Variants in CSMD1 observed in about 807,000 individuals in gnomAD.
The protein encoded by CSMD1 is CUB and Sushi multiple domains 1.
A neutral mutation model predicts 417.5 loss-of-function variants in CSMD1; 213 were observed. That is an observed-to-expected ratio of 0.51 (90% CI 0.46 to 0.57). The LOEUF is 0.57. Ranked by LOEUF, CSMD1 falls within the 20% of genes least tolerant of loss-of-function variation. The pLI is 0.00. For missense variants in CSMD1, 6,923 were observed against 4,529.7 expected (o/e 1.53, Z -15.17); for synonymous variants, 2,862 against 1,736.8 (o/e 1.65, Z -16.11).
At chr8:3,206,467 G>T (rs1797278787) in intron 30 of CSMD1, among the ~76,000 whole-genome samples, 2 of 49,264 alleles carry the variant, frequency 4.1e-5, no homozygotes, top group Non-Finnish European at 7.5e-5. Flanking sequence ...GTGTGGGGGG[G>T]TTATGTCTGT....
At chr8:4,869,734 G>A (rs1397165400) in intron 1 of CSMD1, among the ~76,000 whole-genome samples, 3 of 151,900 alleles carry the variant, frequency 2.0e-5, no homozygotes, top group South Asian at 2.1e-4. Context: ...GTAATAAAAC[G>A]TTCCATGGAA....
Position 3,468,779 on chromosome 8 carries a change from G to T in CSMD1, c.1494C>A (p.Asn498Lys), listed in dbSNP as rs554447593. 3.1e-6 allele frequency: 5 copies of T among 1,605,880 alleles called. No homozygotes were observed. The East Asian group carries it at 8.9e-5, about 29-fold the overall frequency. ...SVPDLIVSMS[N>K]QMWLHLQSDD... Reference sequence around the variant, plus strand: ...CCGACTGCAGATGTAGCCACATCTGGTTGCTCATGCTCACAATGAGGTCAG... The same window carrying T: ...CCGACTGCAGATGTAGCCACATCTGTTTGCTCATGCTCACAATGAGGTCAG... Residue 498 changes from asparagine to lysine, a missense_variant, in exon 12 of 70, where the codon AAC becomes AAA. Physicochemically the swap from Asn to Lys is moderately conservative, Grantham distance 94. Transcript: ENST00000635120.
intron 18 of CSMD1, among the ~76,000 whole-genome samples, chr8:3,371,676 G>T (rs1348873662): frequency 6.6e-6 from 1 of 152,118 alleles, no homozygotes; most frequent in Non-Finnish European, 1.5e-5. Flanking sequence ...ATCTATGAAA[G>T]ATGTGACTAG....
chr8:3,332,172 G>T (rs558793557), intron 23 of CSMD1, among the ~76,000 whole-genome samples: 1 of 152,220 alleles, frequency 6.6e-6, no homozygotes, highest in East Asian at 1.9e-4. Context: ...TCTATTAGAT[G>T]CACGGATATT....
intron 1 of CSMD1, among the ~76,000 whole-genome samples, chr8:4,871,003 T>G (rs560686335): frequency 6.6e-6 from 1 of 152,202 alleles, no homozygotes; most frequent in African/African-American, 2.4e-5. Context: ...GGGTCTGGTC[T>G]GGGTGTCAGA....
intron 2 of CSMD1, among the ~76,000 whole-genome samples, chr8:4,602,276 G>T (rs757922692): frequency 1.3e-5 from 2 of 152,104 alleles, no homozygotes; most frequent in African/African-American, 2.4e-5. Context: ...TACTAAAAAA[G>T]AGGAAGAAAG....
At chr8:4,881,851 A>G (rs1205003729) in intron 1 of CSMD1, among the ~76,000 whole-genome samples, 1 of 151,992 alleles carries the variant, frequency 6.6e-6, no homozygotes, top group Non-Finnish European at 1.5e-5. Context: ...TTCGAGCATT[A>G]TTTTGTTTTG....
intron 3 of CSMD1, among the ~76,000 whole-genome samples, chr8:4,227,457 A>T (rs1801428702): frequency 6.6e-6 from 1 of 152,124 alleles, no homozygotes; most frequent in Non-Finnish European, 1.5e-5. Context: ...TGACATTCAG[A>T]ACAAGAAAAG....
At chr8:3,481,740 G>A (rs1817760922) in intron 11 of CSMD1, among the ~76,000 whole-genome samples, 1 of 152,024 alleles carries the variant, frequency 6.6e-6, no homozygotes, top group Non-Finnish European at 1.5e-5. Context: ...GTGGGTTGAT[G>A]TGGCCACAAG....
intron 12 of CSMD1, among the ~76,000 whole-genome samples, chr8:3,437,072 G>A (rs961562505): frequency 1.3e-5 from 2 of 152,182 alleles, no homozygotes; most frequent in Non-Finnish European, 2.9e-5. Context: ...TGGTTCTCAT[G>A]CATCGAAAAA....
intron 1 of CSMD1, among the ~76,000 whole-genome samples, chr8:4,854,653 G>A: frequency 6.6e-6 from 1 of 152,278 alleles, no homozygotes; most frequent in Non-Finnish European, 1.5e-5. Context: ...AGGGGTGACG[G>A]ACAGCACCTG....
At chr8:4,511,151 T>G (rs1246460348) in intron 2 of CSMD1, among the ~76,000 whole-genome samples, 3 of 152,060 alleles carry the variant, frequency 2.0e-5, no homozygotes, top group Non-Finnish European at 4.4e-5. Context: ...CCCAAGAGTT[T>G]GTTAATTTTG....
chr8:4,338,284 A>G (rs58357727), intron 3 of CSMD1, among the ~76,000 whole-genome samples: 4,252 of 152,266 alleles, frequency 0.028, 183 homozygotes, highest in African/African-American at 0.097. Context: ...GCAAGAGTTC[A>G]ATGCAGTAGT....
At chr8:4,499,960 A>T (rs1180231788) in intron 2 of CSMD1, among the ~76,000 whole-genome samples, 1 of 152,206 alleles carries the variant, frequency 6.6e-6, no homozygotes, top group Admixed American at 6.5e-5. Flanking sequence ...ATGGAAAGAA[A>T]AAAAGCAGAT....
chr8:4,835,608 A>G (rs1280117128), intron 1 of CSMD1, among the ~76,000 whole-genome samples: 1 of 152,216 alleles, frequency 6.6e-6, no homozygotes, highest in East Asian at 1.9e-4. Context: ...TACATTTTGC[A>G]TATGCATAAC....
intron 18 of CSMD1, among the ~76,000 whole-genome samples, chr8:3,372,261 G>C (rs960173934): frequency 3.1e-4 from 47 of 152,268 alleles, no homozygotes; most frequent in Non-Finnish European, 1.0e-4. Context: ...GTTAGGACCA[G>C]GGCTCAAGCT....
chr8:4,048,595 T>A (rs1049369244), intron 3 of CSMD1, among the ~76,000 whole-genome samples: 2 of 152,224 alleles, frequency 1.3e-5, no homozygotes, highest in African/African-American at 4.8e-5. Context: ...AGAGTTTGTA[T>A]ACAAACAGCA....
chr8:3,548,366 T>G lies in CSMD1; in HGVS notation c.1344+26579A>C, dbSNP rs188366547. Among the ~76,000 whole-genome samples the G allele has an allele frequency of 2.0e-5, 3 of 152,198 alleles. No individual in the cohort carries two copies. The East Asian group carries it at 5.8e-4, about 30-fold the overall frequency. On this transcript the variant is annotated intron_variant, in intron 10 of 69. Coordinates refer to ENST00000635120, the MANE Select transcript of CSMD1 (RefSeq NM_033225.6). ...GTTACGTGATCGAGTTCTTCAGTGG[T>G]GATTCGTGAGATTTTGGTGCACTTA...
At chr8:3,378,372 G>C (rs978958701) in intron 18 of CSMD1, among the ~76,000 whole-genome samples, 1 of 152,152 alleles carries the variant, frequency 6.6e-6, no homozygotes, top group Non-Finnish European at 1.5e-5. Context: ...CAATAAAAAA[G>C]AGGGACTCCT....
Sources: allele counts gnomAD v4.1 joint callset (sites outside exome capture counted in the v4.1 genomes callset), GRCh38; gene constraint gnomAD v4.1.1; transcripts MANE v1.5; gene names NCBI Gene and HGNC (gene_info 2026-07-23, HGNC 2026-07-21).